Variants in LRRC37A2 observed in about 807,000 individuals in gnomAD.
The protein encoded by LRRC37A2 is leucine-rich repeat-containing protein 37A2.
LRRC37A2 carries 9 observed loss-of-function variants against 68.8 expected under a neutral mutation model. That is an observed-to-expected ratio of 0.13 (90% CI 0.08 to 0.23). The LOEUF is 0.23. Among genes scored for constraint, LRRC37A2 ranks in the 10% least tolerant of loss-of-function variants. The probability of loss-of-function intolerance (pLI) is 1.00; values close to 1 mark genes in which losing one functional copy is unlikely to be tolerated. For missense variants in LRRC37A2, 168 were observed against 950.4 expected (o/e 0.18, Z 10.82); for synonymous variants, 63 against 367.6 (o/e 0.17, Z 9.48).
At chr17:46,770,500 T>C in the LRRC37A2 span, among the ~76,000 whole-genome samples, 1 of 151,986 alleles carries the variant, frequency 6.6e-6, no homozygotes, top group African/African-American at 2.4e-5. Flanking sequence ...CCTGGGAATC[T>C]ACAGCCTAAA....
chr17:46,714,027 A>C, the LRRC37A2 span: 1 of 1,580,188 alleles, frequency 6.3e-7, no homozygotes, highest in Non-Finnish European at 8.6e-7. Context: ...CTATCTCTTA[A>C]ATGTGTGTGT....
At chr17:47,033,320 G>A in the LRRC37A2 span, 49 of 694,494 alleles carry the variant, frequency 7.1e-5, no homozygotes, top group Middle Eastern at 3.7e-4. Flanking sequence ...AAGCATTTAC[G>A]TGATGCAGTC....
the LRRC37A2 span, among the ~76,000 whole-genome samples, chr17:46,946,206 TG>T: frequency 7.0e-6 from 1 of 143,092 alleles, no homozygotes; most frequent in African/African-American, 2.7e-5. Context: ...GAGGCCGAGG[TG>T]GGCAGATCTC....
the LRRC37A2 span, among the ~76,000 whole-genome samples, chr17:46,781,471 AC>A: frequency 6.6e-6 from 1 of 152,204 alleles, no homozygotes. Context: ...AAACTTGAAA[AC>A]AAGCTAAGCG....
chr17:46,791,423 T>C, the LRRC37A2 span, among the ~76,000 whole-genome samples: 2 of 152,048 alleles, frequency 1.3e-5, no homozygotes, highest in African/African-American at 4.8e-5. Context: ...GCCAGGCTGG[T>C]CTCAAACTCC....
At chr17:46,558,200 C>T (rs1483736565), downstream of LRRC37A2, among the ~76,000 whole-genome samples, 2 of 103,534 alleles carry the variant, frequency 1.9e-5, no homozygotes, top group African/African-American at 4.4e-5. Flanking sequence ...GCTGGGGTTA[C>T]AGGCATGCAC....
At chr17:46,817,330 C>A in the LRRC37A2 span, among the ~76,000 whole-genome samples, 4 of 152,218 alleles carry the variant, frequency 2.6e-5, no homozygotes, top group African/African-American at 9.6e-5. Flanking sequence ...GGGGCCACAG[C>A]CCACTTCTCA....
the LRRC37A2 span, chr17:46,818,619 A>G: frequency 3.2e-6 from 5 of 1,579,182 alleles, no homozygotes; most frequent in Non-Finnish European, 4.3e-6. Context: ...CCGAGGAGGA[A>G]GTTTGCCCGC....
At chr17:47,030,779 A>G in the LRRC37A2 span, among the ~76,000 whole-genome samples, 1 of 151,928 alleles carries the variant, frequency 6.6e-6, no homozygotes, top group Non-Finnish European at 1.5e-5. Flanking sequence ...CAAGATGCCA[A>G]GGGAAGGTGC....
the LRRC37A2 span, among the ~76,000 whole-genome samples, chr17:47,035,834 C>G: frequency 2.6e-5 from 4 of 152,146 alleles, no homozygotes. Context: ...CGTTGTCTGT[C>G]TCTTCTCATA....
chr17:46,867,908 G>A, the LRRC37A2 span, among the ~76,000 whole-genome samples: 1 of 152,150 alleles, frequency 6.6e-6, no homozygotes, highest in Non-Finnish European at 1.5e-5. Flanking sequence ...TGGGGGCTCT[G>A]GTTTTATGAT....
chr17:46,946,461 C>CAA, the LRRC37A2 span, among the ~76,000 whole-genome samples: 20 of 98,960 alleles, frequency 2.0e-4, no homozygotes, highest in African/African-American at 7.5e-4. Context: ...AACTCCGTCT[C>CAA]AAAAAAAAAA....
chr17:46,776,239 A>G, the LRRC37A2 span, among the ~76,000 whole-genome samples: 2 of 152,194 alleles, frequency 1.3e-5, no homozygotes, highest in Non-Finnish European at 2.9e-5. Context: ...GGCCTGGCCC[A>G]TCTGCACCCT....
the LRRC37A2 span, among the ~76,000 whole-genome samples, chr17:46,867,353 G>A: frequency 6.6e-6 from 1 of 152,250 alleles, no homozygotes; most frequent in Admixed American, 6.5e-5. Flanking sequence ...GGTGGAGGTG[G>A]GATTTGAACC....
At chr17:46,903,212 TGGA>T in the LRRC37A2 span, among the ~76,000 whole-genome samples, 10 of 150,252 alleles carry the variant, frequency 6.7e-5, no homozygotes, top group South Asian at 2.1e-3. Context: ...ACCCGGGAGG[TGGA>T]GGTTGCAGTG....
the LRRC37A2 span, among the ~76,000 whole-genome samples, chr17:46,665,953 C>T: frequency 2.2e-5 from 3 of 133,836 alleles, no homozygotes; most frequent in African/African-American, 5.3e-5. Context: ...GTTGATCTAG[C>T]GTTGCAAAAA....
the LRRC37A2 span, among the ~76,000 whole-genome samples, chr17:46,814,594 GT>G: frequency 2.6e-5 from 4 of 152,356 alleles, no homozygotes; most frequent in South Asian, 8.3e-4. Context: ...CTGTCTGTCT[GT>G]CTGTCTGTGG....
chr17:46,956,756 G>T, the LRRC37A2 span, among the ~76,000 whole-genome samples: 13 of 152,226 alleles, frequency 8.5e-5, no homozygotes, highest in African/African-American at 3.1e-4. Flanking sequence ...CTGCGTGGCT[G>T]CCAGTGCTGG....
chr17:47,008,497 C>T, the LRRC37A2 span, among the ~76,000 whole-genome samples: 5 of 145,790 alleles, frequency 3.4e-5, no homozygotes, highest in Admixed American at 6.9e-5. Context: ...CTTGCTCTGT[C>T]GCTCAGGCTG....
Sources: gnomAD v4.1 joint callset for allele counts (sites outside exome capture counted in the v4.1 genomes callset) on GRCh38, gnomAD v4.1.1 for gene constraint, MANE v1.5 for transcripts, NCBI Gene and HGNC (gene_info 2026-07-23, HGNC 2026-07-21) for gene names.